LHFPL3: variants seen among roughly 807,000 people sequenced by gnomAD.
The protein encoded by LHFPL3 is LHFPL tetraspan subfamily member 3 protein.
A neutral mutation model predicts 19.3 loss-of-function variants in LHFPL3; 5 were observed. The ratio of observed to expected loss-of-function variants is 0.26; its 90% CI spans 0.14 to 0.54. The LOEUF (loss-of-function observed/expected upper bound fraction) is 0.54. Ranked by LOEUF, LHFPL3 falls within the 20% of genes least tolerant of loss-of-function variation. LHFPL3 has a pLI of 0.94. For synonymous variants in LHFPL3, 133 were observed against 126.2 expected (o/e 1.05, Z -0.36); for missense variants, 249 against 307.4 (o/e 0.81, Z 1.42).
intron 1 of LHFPL3, among the ~76,000 whole-genome samples, chr7:104,504,760 C>T (rs552237419): frequency 1.1e-3 from 164 of 152,238 alleles, no homozygotes; most frequent in African/African-American, 3.9e-3. Context: ...GTTTGTGATA[C>T]CATTAAAACC....
In LHFPL3 at chr7:104,584,125, G is replaced by T. The variant is rs1285376850; in HGVS notation, c.446-152550G>T. Among the ~76,000 whole-genome samples the T allele has an allele frequency of 8.5e-5, 13 of 152,200 alleles. No individual in the cohort carries two copies. In the East Asian group the frequency reaches 1.9e-3, roughly 23 times the overall value. ...CATATACACCATGGAATACTATGCA[G>T]CCATAAAAAATGATGAGTTCATGTC... On this transcript the variant is annotated intron_variant, in intron 1 of 2. Coordinates refer to ENST00000424859, the MANE Select transcript of LHFPL3 (RefSeq NM_199000.3).
At chr7:104,736,977 T>C (rs1018804661) in intron 2 of LHFPL3, 66 bp downstream of exon 2, 9 of 1,281,976 alleles carry the variant, frequency 7.0e-6, no homozygotes, top group Non-Finnish European at 9.9e-6. Flanking sequence ...CTCTCCATTC[T>C]TTCCCCTCAA....
chr7:104,854,828 G>T (rs1423728573), intron 2 of LHFPL3, among the ~76,000 whole-genome samples: 1 of 152,146 alleles, frequency 6.6e-6, no homozygotes, highest in African/African-American at 2.4e-5. Flanking sequence ...TTTTTAAAGA[G>T]AGAGTACAGC....
chr7:104,431,462 T>C (rs1336720811), intron 1 of LHFPL3, among the ~76,000 whole-genome samples: 1 of 152,234 alleles, frequency 6.6e-6, no homozygotes, highest in Non-Finnish European at 1.5e-5. Context: ...CTTTTGTTTC[T>C]TTTCTTTGAT....
intron 2 of LHFPL3, among the ~76,000 whole-genome samples, chr7:104,839,922 C>T (rs188550823): frequency 2.0e-3 from 299 of 152,226 alleles, no homozygotes; most frequent in Non-Finnish European, 3.2e-3. Flanking sequence ...CTGTCCCTAA[C>T]AGGCTCTCAC....
At chr7:104,542,059 G>T (rs1162760540) in intron 1 of LHFPL3, among the ~76,000 whole-genome samples, 2 of 151,972 alleles carry the variant, frequency 1.3e-5, no homozygotes, top group Non-Finnish European at 2.9e-5. Flanking sequence ...GCTGCTGAGA[G>T]GCCAAGTAAG....
chr7:104,396,282 G>A lies in LHFPL3; in HGVS notation c.445+67058G>A, dbSNP rs540771251. ...ATGTACAAATGGTTGCTAAAGACTC[G>A]CTGCTACAGGAGAGCAGGAAGGAGG... On this transcript the variant is annotated intron_variant, in intron 1 of 2. Transcript: ENST00000424859. Among the ~76,000 whole-genome samples the A allele has an allele frequency of 5.9e-5, 9 of 152,276 alleles. No homozygotes were observed. The East Asian group carries it at 7.7e-4, about 13-fold the overall frequency.
chr7:104,832,571 T>A (rs1363202441), intron 2 of LHFPL3, among the ~76,000 whole-genome samples: 1 of 151,678 alleles, frequency 6.6e-6, no homozygotes, highest in African/African-American at 2.4e-5. Context: ...GCTCTTTCCC[T>A]GCCAGAGCTT....
chr7:104,743,834 T>C (rs1584509756), intron 2 of LHFPL3, among the ~76,000 whole-genome samples: 3 of 152,126 alleles, frequency 2.0e-5, no homozygotes, highest in Admixed American at 2.0e-4. Flanking sequence ...TGTAATCAAT[T>C]CTTTTTTCCT....
chr7:104,593,362 T>G (rs1015404797), intron 1 of LHFPL3, among the ~76,000 whole-genome samples: 1 of 152,242 alleles, frequency 6.6e-6, no homozygotes, highest in African/African-American at 2.4e-5. Flanking sequence ...AGTGAGTTTC[T>G]TAATCCTGAG....
chr7:104,703,903 A>T (rs1316870998), intron 1 of LHFPL3, among the ~76,000 whole-genome samples: 4 of 151,998 alleles, frequency 2.6e-5, no homozygotes, highest in African/African-American at 9.7e-5. Flanking sequence ...TCCTGGGCTT[A>T]CCTTAGCTCC....
chr7:104,638,377 T>G (rs868013501), intron 1 of LHFPL3, among the ~76,000 whole-genome samples: 17 of 152,292 alleles, frequency 1.1e-4, no homozygotes, highest in African/African-American at 3.6e-4. Flanking sequence ...AATGCCTTTT[T>G]TTTTTCTTCC....
In LHFPL3 at chr7:104,486,089, G is replaced by C. The variant is rs556289015; in HGVS notation, c.445+156865G>C. 2.7e-4 allele frequency among the ~76,000 whole-genome samples: 41 copies of C among 152,288 alleles called. No homozygotes were observed. In the South Asian group the frequency reaches 8.5e-3, roughly 32 times the overall value. ...ACATTGAGTTCATAATTCTGAGTCA[G>C]ATCATGTAGTTTGAGCAGATGTGGC... On this transcript the variant is annotated intron_variant, in intron 1 of 2. Transcript: ENST00000424859.
At chr7:104,579,736 C>G (rs906335687) in intron 1 of LHFPL3, among the ~76,000 whole-genome samples, 13 of 152,146 alleles carry the variant, frequency 8.5e-5, no homozygotes, top group African/African-American at 2.9e-4. Context: ...GAAAACTGAG[C>G]CCAACCCATA....
At chr7:104,848,823 C>T (rs969910727) in intron 2 of LHFPL3, among the ~76,000 whole-genome samples, 2 of 152,128 alleles carry the variant, frequency 1.3e-5, no homozygotes, top group African/African-American at 4.8e-5. Context: ...GGTGGCATAT[C>T]AGCATGCGAA....
chr7:104,514,782 C>T (rs549664593), intron 1 of LHFPL3, among the ~76,000 whole-genome samples: 2 of 152,232 alleles, frequency 1.3e-5, no homozygotes, highest in South Asian at 2.1e-4. Flanking sequence ...ATTCATATAT[C>T]GGGCATTTTT....
chr7:104,848,988 C>T lies in LHFPL3; in HGVS notation c.683-57199C>T, dbSNP rs141015073. Among the ~76,000 whole-genome samples the T allele has an allele frequency of 2.2e-4, 33 of 151,820 alleles. No individual in the cohort carries two copies. In the East Asian group the frequency reaches 4.7e-3, roughly 21 times the overall value. ...AGATTGCCAGGCTGGAGTGCAGTGG[C>T]GTGATCTCAACTCACTGCAACTTCC... On this transcript the variant is annotated intron_variant, in intron 2 of 2. Transcript: ENST00000424859.
rs1302228579 is a variant in LHFPL3 at position 104,867,587 on chromosome 7, T to C, written c.683-38600T>C. 5.9e-5 allele frequency among the ~76,000 whole-genome samples: 9 copies of C among 152,246 alleles called. No individual in the cohort carries two copies. The East Asian group carries it at 1.2e-3, about 20-fold the overall frequency. On this transcript the variant is annotated intron_variant, in intron 2 of 2. Coordinates refer to ENST00000424859, the MANE Select transcript of LHFPL3 (RefSeq NM_199000.3). Reference sequence around the variant, plus strand: ...ACTCTGAAATTGAGGCAATAATTAATAGCTTACCAACAAAAAAAAGTCCAG... The same window carrying C: ...ACTCTGAAATTGAGGCAATAATTAACAGCTTACCAACAAAAAAAAGTCCAG...
At chr7:104,641,631 A>G (rs530870273) in intron 1 of LHFPL3, among the ~76,000 whole-genome samples, 1 of 152,066 alleles carries the variant, frequency 6.6e-6, no homozygotes, top group Non-Finnish European at 1.5e-5. Flanking sequence ...GTGGATAGTC[A>G]CTCTGCTGAT....
Sources: gnomAD v4.1 joint callset for allele counts (sites outside exome capture counted in the v4.1 genomes callset) on GRCh38, gnomAD v4.1.1 for gene constraint, MANE v1.5 for transcripts, NCBI Gene and HGNC (gene_info 2026-07-23, HGNC 2026-07-21) for gene names.